MAP3K7CL: variants seen among roughly 807,000 people sequenced by gnomAD.
MAP3K7CL encodes the protein MAP3K7 C-terminal-like protein.
A neutral mutation model predicts 18.6 loss-of-function variants in MAP3K7CL; 16 were observed. The ratio of observed to expected loss-of-function variants is 0.86; its 90% confidence interval spans 0.58 to 1.31. The LOEUF is 1.31. Among genes scored for constraint, MAP3K7CL ranks in the 50% most tolerant of loss-of-function variants. The pLI, the probability that MAP3K7CL is intolerant of heterozygous loss-of-function variation, is 0.00. For synonymous variants in MAP3K7CL, 65 were observed against 66.8 expected (o/e 0.97, Z 0.13); for missense variants, 163 against 174.4 (o/e 0.93, Z 0.37).
chr21:29,151,362 C>T (rs2087269821), intron 3 of MAP3K7CL, among the ~76,000 whole-genome samples: 1 of 151,910 alleles, frequency 6.6e-6, no homozygotes, highest in Non-Finnish European at 1.5e-5. Flanking sequence ...GAGGCTGAGG[C>T]AGGAGAATCG....
chr21:29,165,689 A>G (rs918422340), intron 4 of MAP3K7CL, among the ~76,000 whole-genome samples: 2 of 152,148 alleles, frequency 1.3e-5, no homozygotes, highest in African/African-American at 4.8e-5. Flanking sequence ...CTCCTACCTC[A>G]GCTCCCCGAG....
At chr21:29,110,001 C>T (rs2086392160) in intron 4 of MAP3K7CL, among the ~76,000 whole-genome samples, 1 of 152,156 alleles carries the variant, frequency 6.6e-6, no homozygotes, top group African/African-American at 2.4e-5. Flanking sequence ...GAGTACAATG[C>T]TGTATAAAGT....
chr21:29,142,881 C>T (rs568297022), intron 2 of MAP3K7CL, among the ~76,000 whole-genome samples: 7 of 152,262 alleles, frequency 4.6e-5, no homozygotes, highest in African/African-American at 1.4e-4. Context: ...GTGGCCAACC[C>T]GAGATTCAAA....
At chr21:29,154,956 GTTCT>G (rs2087364329) in intron 3 of MAP3K7CL, among the ~76,000 whole-genome samples, 1 of 152,096 alleles carries the variant, frequency 6.6e-6, no homozygotes, top group Non-Finnish European at 1.5e-5. Flanking sequence ...CTACTCTTGT[GTTCT>G]TTCTCCTTTT....
In MAP3K7CL at chr21:29,174,137, A is replaced by G. The variant is rs568363533; in HGVS notation, c.249-575A>G. Among the ~76,000 whole-genome samples the G allele has an allele frequency of 3.3e-5, 5 of 152,324 alleles. No homozygotes were observed. The East Asian group carries it at 9.6e-4, about 29-fold the overall frequency. On this transcript the variant is annotated intron_variant, in intron 4 of 4. Transcript: ENST00000399928. ...GCTTCCTCAATTCTGGAGTCACGTCAGCATCAAATGTGGACACAGTTTTGT... is the reference window on the plus strand; with the variant it reads ...GCTTCCTCAATTCTGGAGTCACGTCGGCATCAAATGTGGACACAGTTTTGT...
chr21:29,127,617 T>G (rs2086701518), upstream of MAP3K7CL: 1 of 121,780 alleles, frequency 8.2e-6, no homozygotes, highest in Non-Finnish European at 1.9e-5. Flanking sequence ...TTTAGACAAT[T>G]TAGATGTATT....
Position 29,175,746 on chromosome 21 carries a change from A to G in MAP3K7CL, c.*854A>G, listed in dbSNP as rs932042440. Reference sequence around the variant, plus strand: ...AGATGTTTTAGATCAGTAACAGCTAATAGGAATATGCGAGTAAATTCAGAA... The same window carrying G: ...AGATGTTTTAGATCAGTAACAGCTAGTAGGAATATGCGAGTAAATTCAGAA... On this transcript the variant is annotated 3_prime_UTR_variant, in exon 5 of 5. Coordinates refer to ENST00000399928, the MANE Select transcript of MAP3K7CL (RefSeq NM_001286620.2). 2.6e-5 allele frequency: 4 copies of G among 152,252 alleles called. No individual in the cohort carries two copies. Among genetic ancestry groups the G allele is most frequent in the African/African-American group, 9.6e-5 (4 of 41,466 alleles). 9.4% of individuals were successfully genotyped at this position (152,252 alleles called of 1,614,324 possible).
At chr21:29,159,856 G>T (rs544215144) in intron 3 of MAP3K7CL, 85 bp from the exon 4 acceptor site, 3 of 1,015,384 alleles carry the variant, frequency 3.0e-6, no homozygotes, top group Non-Finnish European at 4.5e-6. Flanking sequence ...AAAAACCTTC[G>T]TTTAAAGAAC....
rs1048896790 is a variant in MAP3K7CL at position 29,175,218 on chromosome 21, C to T, written c.*326C>T. On this transcript the variant is annotated 3_prime_UTR_variant, in exon 5 of 5. Transcript: ENST00000399928. ...ATGATAAAAATAGACTATTGACTGA[C>T]CCAGCTAAGAATCGTGGGCTGAGCA... 7 of 174,580 alleles carry T rather than the reference C, an allele frequency of 4.0e-5. No homozygotes were observed. Among genetic ancestry groups the T allele is most frequent in the Non-Finnish European group, 7.3e-5 (6 of 82,618 alleles). 10.8% of individuals were successfully genotyped at this position (174,580 alleles called of 1,614,324 possible). A position where few individuals can be genotyped will look rare whatever the true frequency, so the allele number is the denominator to read the frequency against.
chr21:29,141,671 A>G (rs933603430), intron 2 of MAP3K7CL, among the ~76,000 whole-genome samples: 1 of 152,158 alleles, frequency 6.6e-6, no homozygotes, highest in African/African-American at 2.4e-5. Flanking sequence ...AAGTATTGAA[A>G]ACCTGCTTTG....
At chr21:29,079,805 T>TA (rs2085806631) in intron 1 of MAP3K7CL, among the ~76,000 whole-genome samples, 1 of 152,202 alleles carries the variant, frequency 6.6e-6, no homozygotes, top group Non-Finnish European at 1.5e-5. Context: ...GTAGCTCCCT[T>TA]AAAGTCTCTC....
chr21:29,121,914 G>C (rs2146591891), intron 4 of MAP3K7CL: 1 of 152,014 alleles, frequency 6.6e-6, no homozygotes, highest in Non-Finnish European at 1.5e-5. Flanking sequence ...TGAAGACCAA[G>C]GATGTCACAG....
intron 4 of MAP3K7CL, among the ~76,000 whole-genome samples, chr21:29,123,031 A>T (rs1404499129): frequency 6.6e-6 from 1 of 150,378 alleles, no homozygotes; most frequent in Non-Finnish European, 1.5e-5. Context: ...TTCAAAATGA[A>T]GTCAATACTG....
At chr21:29,144,973 C>T (rs1437195472) in intron 2 of MAP3K7CL, among the ~76,000 whole-genome samples, 2 of 152,204 alleles carry the variant, frequency 1.3e-5, no homozygotes, top group African/African-American at 4.8e-5. Context: ...GGCTTAGTCA[C>T]ATTGTATTTG....
intron 4 of MAP3K7CL, among the ~76,000 whole-genome samples, chr21:29,163,426 G>T (rs1299948947): frequency 6.6e-6 from 1 of 152,066 alleles, no homozygotes; most frequent in Admixed American, 6.5e-5. Context: ...TTTGGGCTTG[G>T]GACTTATTAC....
At chr21:29,139,128 G>A (rs569040279) in intron 2 of MAP3K7CL, among the ~76,000 whole-genome samples, 1 of 152,280 alleles carries the variant, frequency 6.6e-6, no homozygotes, top group Admixed American at 6.5e-5. Context: ...TGTTTTGTGT[G>A]GTAGGGAGAA....
upstream of MAP3K7CL, among the ~76,000 whole-genome samples, chr21:29,128,888 T>C (rs2086728366): frequency 1.3e-5 from 2 of 152,228 alleles, no homozygotes; most frequent in Non-Finnish European, 2.9e-5. Flanking sequence ...AACCATAAAA[T>C]AATATTAAAA....
chr21:29,157,216 C>T (rs1195575224), intron 3 of MAP3K7CL, among the ~76,000 whole-genome samples: 1 of 152,076 alleles, frequency 6.6e-6, no homozygotes, highest in African/African-American at 2.4e-5. Context: ...GTTGTGCAAC[C>T]GATCTCCAGA....
intron 3 of MAP3K7CL, among the ~76,000 whole-genome samples, chr21:29,149,554 C>G (rs1601244141): frequency 6.6e-6 from 1 of 152,178 alleles, no homozygotes; most frequent in East Asian, 1.9e-4. Context: ...ATATGGCTGT[C>G]TCTAGGTCAT....
Sources: gnomAD v4.1 joint callset for allele counts (sites outside exome capture counted in the v4.1 genomes callset) on GRCh38, gnomAD v4.1.1 for gene constraint, MANE v1.5 for transcripts, NCBI Gene and HGNC (gene_info 2026-07-23, HGNC 2026-07-21) for gene names.